HNRNPC: variants seen among roughly 807,000 people sequenced by gnomAD.
The protein encoded by HNRNPC is heterogeneous nuclear ribonucleoproteins C1/C2.
In HNRNPC, 3 loss-of-function variants were observed where a neutral mutation model predicts 33.2. The ratio of observed to expected loss-of-function variants is 0.09; its 90% CI spans 0.04 to 0.23. The LOEUF (loss-of-function observed/expected upper bound fraction) is 0.23, where lower values mean the gene tolerates loss of function less well. Among genes scored for constraint, HNRNPC ranks in the 10% least tolerant of loss-of-function variants. The pLI is 1.00. For synonymous variants in HNRNPC, 121 were observed against 126.7 expected (o/e 0.96, Z 0.30); for missense variants, 143 against 366.7 (o/e 0.39, Z 4.98).
chr14:21,255,612 G>C (rs754529391), intron 2 of HNRNPC, among the ~76,000 whole-genome samples: 1 of 152,168 alleles, frequency 6.6e-6, no homozygotes, highest in Admixed American at 6.5e-5. Flanking sequence ...AATCACAAGA[G>C]TTGATGTACA....
intron 2 of HNRNPC, among the ~76,000 whole-genome samples, chr14:21,245,623 C>CA (rs764941429): frequency 2.6e-5 from 4 of 152,154 alleles, no homozygotes; most frequent in African/African-American, 4.8e-5. Flanking sequence ...AGCCCTAAGA[C>CA]ATTACCATAC....
chr14:21,253,325 A>C (rs1896869582), intron 2 of HNRNPC, among the ~76,000 whole-genome samples: 1 of 151,240 alleles, frequency 6.6e-6, no homozygotes, highest in Non-Finnish European at 1.5e-5. Context: ...AAAAAAAAAA[A>C]AATACAAAAA....
At chr14:21,234,445 T>C (rs1240558718) in intron 2 of HNRNPC, among the ~76,000 whole-genome samples, 2 of 152,098 alleles carry the variant, frequency 1.3e-5, no homozygotes, top group African/African-American at 4.8e-5. Flanking sequence ...TTCCATTCTA[T>C]TTCAGCAGCA....
At chr14:21,266,742 A>G (rs1879044055) in intron 1 of HNRNPC, among the ~76,000 whole-genome samples, 1 of 151,330 alleles carries the variant, frequency 6.6e-6, no homozygotes, top group African/African-American at 2.4e-5. Flanking sequence ...AACTACTAAT[A>G]AAGTACTTGA....
chr14:21,239,884 A>C (rs190045042), intron 2 of HNRNPC, among the ~76,000 whole-genome samples: 5 of 152,270 alleles, frequency 3.3e-5, no homozygotes, highest in Non-Finnish European at 5.9e-5. Context: ...AAGAGAGAAA[A>C]AGGACAAAAA....
Position 21,210,235 on chromosome 14 carries a change from C to T in HNRNPC, c.*988G>A, listed in dbSNP as rs1424423156. 1 of 152,156 alleles carries T rather than the reference C, an allele frequency of 6.6e-6. No homozygotes were observed. Among genetic ancestry groups the T allele is most frequent in the Non-Finnish European group, 1.5e-5 (1 of 68,032 alleles). 9.4% of individuals were successfully genotyped at this position (152,156 alleles called of 1,614,324 possible). A position where few individuals can be genotyped will look rare whatever the true frequency, so the allele number is the denominator to read the frequency against. ...TATTTAAGGACAAAACCATTTAGCA[C>T]AAAACACAAACCTCAGAAAGGGTGC... On this transcript the variant is annotated 3_prime_UTR_variant, in exon 9 of 9. Transcript: ENST00000553300.
intron 5 of HNRNPC, among the ~76,000 whole-genome samples, chr14:21,225,625 C>G (rs1893337869): frequency 6.6e-6 from 1 of 152,052 alleles, no homozygotes. Context: ...ATCTATGTCT[C>G]TAACTGGCAA....
intron 1 of HNRNPC, among the ~76,000 whole-genome samples, chr14:21,266,155 G>A (rs1390141372): frequency 1.3e-5 from 2 of 152,138 alleles, no homozygotes; most frequent in Non-Finnish European, 2.9e-5. Context: ...GCCCAGGCTG[G>A]AGTGCAGTGG....
chr14:21,266,680 A>C (rs774093896), intron 1 of HNRNPC, among the ~76,000 whole-genome samples: 11 of 150,278 alleles, frequency 7.3e-5, no homozygotes, highest in Non-Finnish European at 1.5e-4. Flanking sequence ...TCCCATTTCC[A>C]ATGAGAATAC....
chr14:21,227,244 T>C (rs924507598), intron 5 of HNRNPC, among the ~76,000 whole-genome samples: 2 of 151,750 alleles, frequency 1.3e-5, no homozygotes, highest in African/African-American at 4.9e-5. Context: ...TTAACATCTA[T>C]CATGTAAGAC....
At chr14:21,212,316 TA>T in intron 6 of HNRNPC, among the ~76,000 whole-genome samples, 1 of 152,278 alleles carries the variant, frequency 6.6e-6, no homozygotes, top group Admixed American at 6.5e-5. Context: ...TGTAATGTTT[TA>T]CTGCCTTCCA....
At chr14:21,224,123 A>G (rs1237527675) in intron 5 of HNRNPC, among the ~76,000 whole-genome samples, 1 of 152,246 alleles carries the variant, frequency 6.6e-6, no homozygotes, top group African/African-American at 2.4e-5. Context: ...GTACAGTGTT[A>G]CTCAAAAACA....
At chr14:21,267,095 C>CAAAAAAAAAAA (rs56203257) in intron 1 of HNRNPC, among the ~76,000 whole-genome samples, 4 of 104,050 alleles carry the variant, frequency 3.8e-5, no homozygotes, top group African/African-American at 7.2e-5. Flanking sequence ...GACTCCGTCT[C>CAAAAAAAAAAA]AAAAAAAAAA....
At chr14:21,244,064 T>C (rs989342287) in intron 2 of HNRNPC, among the ~76,000 whole-genome samples, 2 of 152,110 alleles carry the variant, frequency 1.3e-5, no homozygotes, top group African/African-American at 4.8e-5. Flanking sequence ...GCTTAGCTCT[T>C]GTTGCCCAGG....
chr14:21,223,707 C>T (rs1281200110), intron 5 of HNRNPC, among the ~76,000 whole-genome samples: 2 of 151,854 alleles, frequency 1.3e-5, no homozygotes, highest in African/African-American at 4.8e-5. Flanking sequence ...AGTGATGCGC[C>T]ACTGCACTCG....
At chr14:21,221,252 TG>T (rs551508782) in intron 5 of HNRNPC, among the ~76,000 whole-genome samples, 7 of 152,362 alleles carry the variant, frequency 4.6e-5, no homozygotes, top group Non-Finnish European at 1.0e-4. Context: ...AACTGCAGTC[TG>T]GGTTATTTCC....
chr14:21,249,420 CAAA>C (rs11360295), intron 2 of HNRNPC, among the ~76,000 whole-genome samples: 12 of 110,154 alleles, frequency 1.1e-4, no homozygotes, highest in African/African-American at 1.9e-4. Context: ...ACTAAAAATA[CAAA>C]AAAAAAAAAA....
chr14:21,241,791 C>T (rs1213059529), intron 2 of HNRNPC, among the ~76,000 whole-genome samples: 2 of 152,164 alleles, frequency 1.3e-5, no homozygotes, highest in Non-Finnish European at 2.9e-5. Flanking sequence ...AAAACAGTAT[C>T]TCAAGGTAAA....
chr14:21,245,233 C>A (rs145936975), intron 2 of HNRNPC, among the ~76,000 whole-genome samples: 7 of 152,042 alleles, frequency 4.6e-5, no homozygotes, highest in Admixed American at 2.6e-4. Flanking sequence ...CAGTGGCTCA[C>A]GCCTGTAATC....
Sources: gnomAD v4.1 joint callset for allele counts (sites outside exome capture counted in the v4.1 genomes callset) on GRCh38, gnomAD v4.1.1 for gene constraint, MANE v1.5 for transcripts, NCBI Gene and HGNC (gene_info 2026-07-23, HGNC 2026-07-21) for gene names.